The following ZNF208 variants were observed in gnomAD, a reference collection of about 807,000 sequenced individuals.
ZNF208 encodes the protein zinc finger protein 95.
A neutral mutation model predicts 12.1 loss-of-function variants in ZNF208; 10 were observed. That is an observed-to-expected ratio of 0.83 (90% confidence interval 0.51 to 1.40). The LOEUF (loss-of-function observed/expected upper bound fraction) is 1.40, where lower values mean the gene tolerates loss of function less well. Ranked by LOEUF, ZNF208 falls within the 40% of genes most tolerant of loss-of-function variation. The probability of loss-of-function intolerance (pLI) is 0.00; values close to 1 mark genes in which losing one functional copy is unlikely to be tolerated. For synonymous variants in ZNF208, 497 were observed against 488.4 expected (o/e 1.02, Z -0.23); for missense variants, 1,652 against 1,485.0 (o/e 1.11, Z -1.85).
chr19:21,969,923 A>C lies in ZNF208; in HGVS notation c.*1268T>G, dbSNP rs1343548414. Among the ~76,000 whole-genome samples the C allele has an allele frequency of 6.6e-6, 1 of 152,078 alleles. No homozygotes were observed. The highest frequency in any genetic ancestry group is 2.4e-5 in the African/African-American group (1 of 41,430). On this transcript the variant is annotated 3_prime_UTR_variant, in exon 4 of 4. Coordinates refer to ENST00000397126, the MANE Select transcript of ZNF208 (RefSeq NM_007153.3). ...GGCATTAACAAAAATTTTTTTTTCCAGACAGTCTCTCTCTGTTGCCCAGGC... is the reference window on the plus strand; with the variant it reads ...GGCATTAACAAAAATTTTTTTTTCCCGACAGTCTCTCTCTGTTGCCCAGGC...
chr19:22,007,278 A>C (rs575442194), intron 1 of ZNF208, among the ~76,000 whole-genome samples: 2 of 151,658 alleles, frequency 1.3e-5, no homozygotes, highest in South Asian at 2.1e-4. Context: ...CCAGCACTTT[A>C]GGAGGCCGAG....
chr19:21,950,911 G>A (rs892107677), intron 4 of ZNF208, among the ~76,000 whole-genome samples: 1 of 152,132 alleles, frequency 6.6e-6, no homozygotes, highest in Non-Finnish European at 1.5e-5. Flanking sequence ...GGTTATATAC[G>A]TGTTTTGTGT....
At chr19:21,975,530 G>T (rs1970412814) in intron 3 of ZNF208, among the ~76,000 whole-genome samples, 1 of 152,070 alleles carries the variant, frequency 6.6e-6, no homozygotes, top group South Asian at 2.1e-4. Context: ...CCAGGACAAA[G>T]CTACATTATA....
chr19:21,999,534 G>T (rs1345834986), intron 1 of ZNF208, among the ~76,000 whole-genome samples: 1 of 152,104 alleles, frequency 6.6e-6, no homozygotes, highest in African/African-American at 2.4e-5. Flanking sequence ...TTCTGCCAAA[G>T]AACTTACTCA....
At chr19:21,944,579 ATACT>A (rs1379647778) in intron 4 of ZNF208, among the ~76,000 whole-genome samples, 3 of 152,176 alleles carry the variant, frequency 2.0e-5, no homozygotes, top group Admixed American at 6.5e-5. Flanking sequence ...TCAGTAAAAA[ATACT>A]TACAGCTACC....
intron 4 of ZNF208, among the ~76,000 whole-genome samples, chr19:21,947,807 A>G (rs1285041749): frequency 3.3e-5 from 5 of 152,202 alleles, no homozygotes; most frequent in African/African-American, 4.8e-5. Context: ...GTATTAGGGC[A>G]TTCCCTCTAT....
intron 1 of ZNF208, among the ~76,000 whole-genome samples, chr19:22,004,665 G>A (rs1971015726): frequency 6.6e-6 from 1 of 152,108 alleles, no homozygotes; most frequent in African/African-American, 2.4e-5. Flanking sequence ...AACTGATGCG[G>A]AAACAGAAAA....
At chr19:21,943,296 G>GA (rs749777836) in intron 4 of ZNF208, among the ~76,000 whole-genome samples, 6 of 151,864 alleles carry the variant, frequency 4.0e-5, no homozygotes, top group Non-Finnish European at 8.8e-5. Flanking sequence ...CATAAATTAG[G>GA]AAAAAATCCT....
intron 1 of ZNF208, among the ~76,000 whole-genome samples, chr19:21,990,523 G>A (rs1297241479): frequency 2.6e-5 from 4 of 151,970 alleles, no homozygotes; most frequent in African/African-American, 9.7e-5. Flanking sequence ...AAGTCAGGTA[G>A]CGTGATGCCT....
intron 1 of ZNF208, chr19:21,998,599 C>G (rs1224477820): frequency 1.3e-5 from 2 of 152,228 alleles, no homozygotes; most frequent in African/African-American, 2.4e-5. Flanking sequence ...CCACACCTGG[C>G]TAATTCTGTT....
Position 21,967,360 on chromosome 19 carries a change from A to G in ZNF208, c.*3831T>C, listed in dbSNP as rs1276924552. 2.6e-5 allele frequency: 4 copies of G among 152,126 alleles called. No homozygotes were observed. Among genetic ancestry groups the G allele is most frequent in the Non-Finnish European group, 5.9e-5 (4 of 68,018 alleles). 9.4% of individuals were successfully genotyped at this position (152,126 alleles called of 1,614,324 possible). ...TGTAAAAATAACCTGATTGCAAAGT[A>G]TAGCTTAATTCAGTACTCTCTCTTC... On this transcript the variant is annotated 3_prime_UTR_variant, in exon 4 of 4. Transcript: ENST00000397126.
At chr19:21,947,237 T>G (rs1191156116) in intron 4 of ZNF208, among the ~76,000 whole-genome samples, 1 of 152,172 alleles carries the variant, frequency 6.6e-6, no homozygotes, top group Non-Finnish European at 1.5e-5. Context: ...GAGAGAATAT[T>G]TCACCCTGAG....
In ZNF208 at chr19:21,972,268, A is replaced by G. The variant is rs1970306825; in HGVS notation, c.2766T>C (p.Cys922=). The G allele has an allele frequency of 6.2e-7, 1 of 1,613,816 alleles. No homozygotes were observed. Residue 922 remains cysteine (C), a synonymous_variant, in exon 4 of 4, where the codon TGT becomes TGC. Transcript: ENST00000397126. The part of the protein sequence containing the change: ...TGEKPYKCEE[C]GKAFSWLSVF... Reference sequence around the variant, plus strand: ...CTGACAACCAGCTGAAGGCTTTGCCACATTCTTCACATTTGTAGGGTTTCT... The same window carrying G: ...CTGACAACCAGCTGAAGGCTTTGCCGCATTCTTCACATTTGTAGGGTTTCT...
intron 1 of ZNF208, among the ~76,000 whole-genome samples, chr19:22,003,935 G>A (rs1970999973): frequency 6.6e-6 from 1 of 152,020 alleles, no homozygotes; most frequent in African/African-American, 2.4e-5. Context: ...TTCGGGGGAT[G>A]AGCTAGGTGG....
rs761187594 is a variant in ZNF208, at chr19:21,974,728, C to A, written c.306G>T (p.Arg102Ser). 3.7e-6 allele frequency: 6 copies of A among 1,612,602 alleles called. No individual in the cohort carries two copies. In the African/African-American group the frequency reaches 5.3e-5, roughly 14 times the overall value. Residue 102 changes from arginine (R) to serine (S), a missense_variant, in exon 4 of 4, where the codon AGG (arginine) becomes AGT (serine). Arg to Ser is a moderately radical substitution (Grantham distance 110, BLOSUM62 -1). Coordinates refer to ENST00000397126, the MANE Select transcript of ZNF208 (RefSeq NM_007153.3). Reference protein sequence around the residue: ...EDSFQKVILRRYEKCGHENLH... With the variant: ...EDSFQKVILRSYEKCGHENLH... ...AATTCTCATGTCCACATTTTTCATA[C>A]CTTCTCAATATCACTTTTTGGAAAG...
chr19:21,982,395 G>A (rs944490936), intron 3 of ZNF208, among the ~76,000 whole-genome samples: 8 of 148,044 alleles, frequency 5.4e-5, no homozygotes, highest in Admixed American at 2.0e-4. Flanking sequence ...TTCCATGCTC[G>A]TGCATAGAAA....
chr19:21,974,728 C>T lies in ZNF208; in HGVS notation c.306G>A (p.Arg102=), dbSNP rs761187594. 1 of 1,612,718 alleles carries T rather than the reference C, an allele frequency of 6.2e-7. No homozygotes were observed. The highest frequency in any genetic ancestry group is 1.3e-5 in the African/African-American group (1 of 74,968). The change falls in exon 4 of 4, where the codon AGG becomes AGA. Residue 102 remains arginine (R), a synonymous_variant. Coordinates refer to ENST00000397126, the MANE Select transcript of ZNF208 (RefSeq NM_007153.3). ...AATTCTCATGTCCACATTTTTCATA[C>T]CTTCTCAATATCACTTTTTGGAAAG... ...EDSFQKVILR[R]YEKCGHENLH...
chr19:21,992,157 T>C (rs1372436873), intron 1 of ZNF208, among the ~76,000 whole-genome samples: 1 of 152,198 alleles, frequency 6.6e-6, no homozygotes, highest in African/African-American at 2.4e-5. Context: ...TGCATAAAGA[T>C]ACTTGATGAT....
At chr19:21,984,191 A>G (rs1159072976) in intron 3 of ZNF208, among the ~76,000 whole-genome samples, 1 of 152,156 alleles carries the variant, frequency 6.6e-6, no homozygotes, top group African/African-American at 2.4e-5. Context: ...TTAAAACTGA[A>G]ATTTTATGAA....
Sources: gnomAD v4.1 joint callset for allele counts (sites outside exome capture counted in the v4.1 genomes callset) on GRCh38, gnomAD v4.1.1 for gene constraint, MANE v1.5 for transcripts, NCBI Gene and HGNC (gene_info 2026-07-23, HGNC 2026-07-21) for gene names.